FCER2: variants seen among roughly 807,000 people sequenced by gnomAD.
FCER2 encodes low affinity immunoglobulin epsilon Fc receptor.
A neutral mutation model predicts 49.7 loss-of-function variants in FCER2; 38 were observed. The ratio of observed to expected loss-of-function variants is 0.76; its 90% confidence interval spans 0.59 to 1.00. The LOEUF (loss-of-function observed/expected upper bound fraction) is 1.00, where lower values mean the gene tolerates loss of function less well. Ranked by LOEUF, FCER2 falls within the 50% of genes least tolerant of loss-of-function variation. The pLI, the probability that FCER2 is intolerant of heterozygous loss-of-function variation, is 0.00. For synonymous variants in FCER2, 163 were observed against 164.6 expected (o/e 0.99, Z 0.07); for missense variants, 425 against 419.5 (o/e 1.01, Z -0.11).
At chr19:7,689,748 T>G (rs755013449) in intron 10 of FCER2, among the ~76,000 whole-genome samples, 1 of 152,100 alleles carries the variant, frequency 6.6e-6, no homozygotes, top group Non-Finnish European at 1.5e-5. Context: ...GCCTCTCAAA[T>G]AGCTGGGATT....
At chr19:7,698,704 A>G in intron 3 of FCER2, 37 bp downstream of exon 3, 1 of 1,603,550 alleles carries the variant, frequency 6.2e-7, no homozygotes, top group African/African-American at 1.3e-5. Flanking sequence ...GGGCCCCATG[A>G]GTTGGGGGGA....
At chr19:7,695,878 C>A (rs1402146483) in intron 8 of FCER2, among the ~76,000 whole-genome samples, 6 of 150,376 alleles carry the variant, frequency 4.0e-5, no homozygotes, top group Non-Finnish European at 5.9e-5. Context: ...GATTGCACCA[C>A]TGCATTTCAG....
chr19:7,699,882 C>T, intron 1 of FCER2, 37 bp from the exon 2 acceptor site: 1 of 954,056 alleles, frequency 1.0e-6, no homozygotes, highest in Non-Finnish European at 1.7e-6. Flanking sequence ...GGTGAGCCAT[C>T]AAATCCTAGT....
intron 2 of FCER2, chr19:7,699,330 G>A (rs1489470488): frequency 1.7e-6 from 2 of 1,159,556 alleles, no homozygotes; most frequent in Admixed American, 2.3e-5. Flanking sequence ...CCCACCCAAA[G>A]GTCTATCTGG....
chr19:7,698,643 T>C (rs2033080375), intron 3 of FCER2, 98 bp downstream of exon 3: 8 of 1,509,696 alleles, frequency 5.3e-6, no homozygotes, highest in Non-Finnish European at 7.1e-6. Context: ...TTTGAGAGGA[T>C]GCGTTGGGCT....
At chr19:7,690,083 T>G in intron 10 of FCER2, 76 bp downstream of exon 10, 5 of 938,140 alleles carry the variant, frequency 5.3e-6, no homozygotes, top group South Asian at 1.4e-5. Flanking sequence ...CGCTTTCCGA[T>G]GCAGTTTATC....
intron 3 of FCER2, 34 bp downstream of exon 3, chr19:7,698,707 T>TG (rs1430419209): frequency 2.5e-6 from 4 of 1,605,000 alleles, no homozygotes; most frequent in African/African-American, 2.7e-5. Context: ...CCCCATGAGT[T>TG]GGGGGGACCA....
At position 7,697,600 on chromosome 19, in the gene FCER2, G is replaced by A. The variant is rs755561560; in HGVS notation, c.191-11C>T. The A allele has an allele frequency of 2.1e-5, 34 of 1,613,252 alleles. No homozygotes were observed. In the Admixed American group the frequency reaches 3.0e-4, roughly 14 times the overall value. On this transcript the variant is annotated splice_polypyrimidine_tract_variant and intron_variant, in intron 4 of 10. Transcript: ENST00000597921. ...TGGAAACTTGAGAGACTGGAGCGGC[G>A]GGAGAGAAGAGATATCCCAGGAACC...
rs1369365702 is a variant in FCER2 at position 7,690,153 on chromosome 19, C to G, written c.728+6G>C. On this transcript the variant is annotated splice_donor_region_variant and intron_variant, in intron 10 of 10. Transcript: ENST00000597921. The stretch of plus-strand genomic sequence containing the variant: ...CTCCCCTGGATCCCAGAGGCCCCCT[C>G]CTCACCTGTAGTCCACGTGGCTCCC... 1.9e-6 allele frequency: 3 copies of G among 1,580,938 alleles called. No homozygotes were observed. Among genetic ancestry groups the G allele is most frequent in the Non-Finnish European group, 2.6e-6 (3 of 1,150,282 alleles).
chr19:7,693,662 G>A (rs1029395225), intron 8 of FCER2, among the ~76,000 whole-genome samples: 2 of 151,962 alleles, frequency 1.3e-5, no homozygotes, highest in African/African-American at 4.8e-5. Context: ...GTTTTGTTTT[G>A]TTTTGAGACA....
chr19:7,690,549 A>C lies in FCER2; in HGVS notation c.478T>G (p.Cys160Gly), dbSNP rs2032838183. ...ATCCACTTTTCAGGGCACGTGTTGC[A>C]CACAAAGCCTGGGGTGGAGGAGAGG... ...MELQVSSGFVCNTCPEKWINF... is the reference protein window; with the variant it reads ...MELQVSSGFVGNTCPEKWINF... The change falls in exon 9 of 11, where the codon TGC (cysteine) becomes GGC (glycine). Residue 160 changes from cysteine to glycine, a missense_variant. Cys to Gly is a radical substitution (Grantham distance 159). Transcript: ENST00000597921. The C allele has an allele frequency of 6.2e-7, 1 of 1,613,860 alleles. No individual in the cohort carries two copies. The highest frequency in any genetic ancestry group is 8.5e-7 in the Non-Finnish European group (1 of 1,179,904).
intron 1 of FCER2, among the ~76,000 whole-genome samples, chr19:7,701,348 G>A (rs1013343417): frequency 1.3e-5 from 2 of 152,136 alleles, no homozygotes; most frequent in Non-Finnish European, 2.9e-5. Flanking sequence ...AACTGTCCAG[G>A]GAGGCAGCTG....
Position 7,689,133 on chromosome 19 carries a change from G to A in FCER2, c.*60C>T. On this transcript the variant is annotated 3_prime_UTR_variant, in exon 11 of 11. Transcript: ENST00000597921. ...ACAGGGACCTTTCAGCCACAAAGAG[G>A]CTTTTAGGCCGTGGTTGGGGGTCTT... 8 of 1,201,642 alleles carry A rather than the reference G, an allele frequency of 6.7e-6. No individual in the cohort carries two copies. The highest frequency in any genetic ancestry group is 2.3e-4 in the Middle Eastern group (1 of 4,356). The allele number at this position is 1,201,642 out of a possible 1,614,324, so 74.4% of individuals were successfully genotyped here.
At position 7,697,555 on chromosome 19, in the gene FCER2, G is replaced by T; in HGVS notation, c.225C>A (p.His75Gln). The T allele has an allele frequency of 1.2e-6, 2 of 1,614,038 alleles. No individual in the cohort carries two copies. The highest frequency in any genetic ancestry group is 1.7e-6 in the Non-Finnish European group (2 of 1,179,952). ...GGGATTTCTGCGCCATCTGGTCACC[G>T]TGGTGGCTTTCCAAGTTCTTGGAAA... ...SQVSKNLESH[H>Q]GDQMAQKSQS... The change falls in exon 5 of 11, where the codon CAC (histidine) becomes CAA (glutamine). Residue 75 changes from histidine (H) to glutamine (Q), a missense_variant. Physicochemically the swap from His to Gln is conservative, Grantham distance 24 (BLOSUM62 0). Transcript: ENST00000597921.
intron 5 of FCER2, 60 bp from the exon 6 acceptor site, chr19:7,697,358 C>T: frequency 6.4e-7 from 1 of 1,567,454 alleles, no homozygotes; most frequent in Non-Finnish European, 8.8e-7. Flanking sequence ...CCCATCTACC[C>T]CCACCCATCC....
intron 8 of FCER2, 107 bp downstream of exon 8, chr19:7,696,718 T>C (rs958941631): frequency 1.3e-6 from 1 of 790,198 alleles, no homozygotes; most frequent in Admixed American, 2.3e-5. Flanking sequence ...CACACAAACG[T>C]ATAGACATGC....
In FCER2 at chr19:7,696,882, G is replaced by A. The variant is rs765867418; in HGVS notation, c.412C>T (p.Leu138=). ...LNERNEASDL[L]ERLREEVTKL... The stretch of plus-strand genomic sequence containing the variant: ...GTCACCTCCTCCCGGAGTCTTTCCA[G>A]CAAATCTGAAGCTTCGTTCCTCTCG... The change falls in exon 8 of 11, where the codon CTG becomes TTG. Residue 138 remains leucine, a synonymous_variant. Transcript: ENST00000597921. The A allele has an allele frequency of 8.8e-6, 14 of 1,587,458 alleles. No individual in the cohort carries two copies. The East Asian group carries it at 2.5e-4, about 28-fold the overall frequency.
chr19:7,698,405 C>G lies in FCER2; in HGVS notation c.141G>C (p.Trp47Cys). The G allele has an allele frequency of 1.2e-6, 2 of 1,611,926 alleles. No individual in the cohort carries two copies. Among genetic ancestry groups the G allele is most frequent in the Non-Finnish European group, 1.7e-6 (2 of 1,178,578 alleles). The change falls in exon 4 of 11, where the codon TGG becomes TGC. Residue 47 changes from tryptophan to cysteine, a missense_variant. Coordinates refer to ENST00000597921, the MANE Select transcript of FCER2 (RefSeq NM_001220500.2). ...GLLTLLLLWH[W>C]DTTQSLKQLE... ...GCTGTTTTAGACTCTGTGTGGTGTC[C>G]CAGTCTGGGGAGGGGGAGAGAAGAG...
In FCER2 at chr19:7,690,408, G is replaced by T. The variant is rs1280473957; in HGVS notation, c.619C>A (p.Gln207Lys). 1 of 1,613,512 alleles carries T rather than the reference G, an allele frequency of 6.2e-7. No individual in the cohort carries two copies. Among genetic ancestry groups the T allele is most frequent in the Non-Finnish European group, 8.5e-7 (1 of 1,179,666 alleles). ...ACCTCTGCAGAGCCCCAGCCCACCT[G>T]CTCCTCCGGGCTGTGGATGCTGACC... is the stretch of plus-strand genomic sequence containing the variant. ...QLVSIHSPEE[Q>K]DFLTKHASHT... The change falls in exon 9 of 11, where the codon CAG becomes AAG. Residue 207 changes from glutamine to lysine, a missense_variant and splice_region_variant. Gln to Lys is a moderately conservative substitution (Grantham distance 53). Coordinates refer to ENST00000597921, the MANE Select transcript of FCER2 (RefSeq NM_001220500.2).
Sources: allele counts gnomAD v4.1 joint callset (sites outside exome capture counted in the v4.1 genomes callset), GRCh38; gene constraint gnomAD v4.1.1; transcripts MANE v1.5; gene names NCBI Gene and HGNC (gene_info 2026-07-23, HGNC 2026-07-21).